HBS1L: variants seen among roughly 807,000 people sequenced by gnomAD.
The protein encoded by HBS1L is HBS1-like protein.
In HBS1L, 55 loss-of-function variants were observed where a neutral mutation model predicts 88.9. The observed-to-expected ratio is 0.62, with a 90% confidence interval of 0.50 to 0.77. The LOEUF is 0.77. Ranked by LOEUF, HBS1L falls within the 30% of genes least tolerant of loss-of-function variation. The pLI is 0.00. For synonymous variants in HBS1L, 267 were observed against 288.5 expected, an observed-to-expected ratio of 0.93 and a Z score of 0.76; for missense variants, 741 against 829.3, an observed-to-expected ratio of 0.89 and a Z score of 1.31.
chr6:134,973,939 T>G (rs1375343459), intron 15 of HBS1L, among the ~76,000 whole-genome samples: 2 of 151,890 alleles, frequency 1.3e-5, no homozygotes, highest in Non-Finnish European at 2.9e-5. Context: ...ATGTCACATA[T>G]ATATATATAT....
chr6:135,028,841 TACA>T lies in HBS1L; in HGVS notation c.430+10729_430+10731del, dbSNP rs560225145. ...TCAAAAATCTCTTGCTAGCAGTAAA[TACA>T]ACAACAAAAATTATAGCTGGATCTT... On this transcript the variant is annotated intron_variant, in intron 4 of 17. Coordinates refer to ENST00000367837, the MANE Select transcript of HBS1L (RefSeq NM_006620.4). Among the ~76,000 whole-genome samples, 54 of 152,032 alleles carry T rather than the reference TACA, an allele frequency of 3.6e-4. 1 individual carries two copies. Among genetic ancestry groups the T allele is most frequent in the South Asian group, 8.3e-4 (4 of 4,826 alleles).
chr6:134,965,639 G>A (rs1404920051), intron 17 of HBS1L, among the ~76,000 whole-genome samples: 1 of 152,176 alleles, frequency 6.6e-6, no homozygotes, highest in African/African-American at 2.4e-5. Context: ...ACTCTAGGAG[G>A]TAGATTCTAT....
intron 4 of HBS1L, chr6:135,035,849 C>T: frequency 1.3e-6 from 1 of 740,950 alleles, no homozygotes; most frequent in Non-Finnish European, 1.6e-6. Flanking sequence ...AAAGAACATG[C>T]AACCATACTT....
In HBS1L at chr6:134,960,579, T is replaced by C. The variant is rs535957346; in HGVS notation, c.*4700A>G. 6.6e-6 allele frequency: 1 copy of C among 151,952 alleles called. No individual in the cohort carries two copies. Among genetic ancestry groups the C allele is most frequent in the Non-Finnish European group, 1.5e-5 (1 of 67,922 alleles). The allele number at this position is 151,952 out of a possible 1,614,324, so 9.4% of individuals were successfully genotyped here. On this transcript the variant is annotated 3_prime_UTR_variant, in exon 18 of 18. Coordinates refer to ENST00000367837, the MANE Select transcript of HBS1L (RefSeq NM_006620.4). The stretch of plus-strand genomic sequence containing the variant: ...GTTATTAATATGAAATTCTCTTAAT[T>C]TTTTTTTACTTGCTTTAAATTCTTT...
chr6:135,031,813 G>A (rs568192347), intron 4 of HBS1L, among the ~76,000 whole-genome samples: 3 of 151,120 alleles, frequency 2.0e-5, no homozygotes, highest in African/African-American at 7.3e-5. Context: ...AAATAAATAC[G>A]CATTTTATCA....
At chr6:135,004,527 T>G (rs1293755093) in intron 4 of HBS1L, among the ~76,000 whole-genome samples, 1 of 151,932 alleles carries the variant, frequency 6.6e-6, no homozygotes, top group Non-Finnish European at 1.5e-5. Flanking sequence ...AGAGGGGAGC[T>G]ACATGAAGCT....
At chr6:135,010,798 A>T (rs1346369401) in intron 4 of HBS1L, among the ~76,000 whole-genome samples, 1 of 152,164 alleles carries the variant, frequency 6.6e-6, no homozygotes, top group Non-Finnish European at 1.5e-5. Context: ...AATAAAATAA[A>T]CTAAGAATAA....
At chr6:135,051,247 G>GA (rs1383187447) in intron 1 of HBS1L, among the ~76,000 whole-genome samples, 3 of 150,546 alleles carry the variant, frequency 2.0e-5, no homozygotes, top group African/African-American at 4.9e-5. Context: ...AAGAAAAAAA[G>GA]AAAAAAAAAT....
intron 15 of HBS1L, among the ~76,000 whole-genome samples, chr6:134,975,290 A>C (rs1486774023): frequency 6.6e-6 from 1 of 152,214 alleles, no homozygotes; most frequent in Admixed American, 6.5e-5. Context: ...GATACATCCC[A>C]TGCTCATGAA....
intron 16 of HBS1L, 42 bp downstream of exon 16, chr6:134,969,196 G>T (rs2114744508): frequency 7.9e-7 from 1 of 1,270,486 alleles, no homozygotes; most frequent in African/African-American, 1.5e-5. Context: ...TAAAAAATTG[G>T]CTTAAATTGC....
chr6:135,048,163 A>G (rs1162878533), intron 2 of HBS1L, among the ~76,000 whole-genome samples: 1 of 152,232 alleles, frequency 6.6e-6, no homozygotes, highest in African/African-American at 2.4e-5. Context: ...CCGGAAAGCC[A>G]GAGAAGGCAG....
At chr6:135,002,469 G>A (rs1164361067) in intron 5 of HBS1L, among the ~76,000 whole-genome samples, 1 of 152,022 alleles carries the variant, frequency 6.6e-6, no homozygotes, top group African/African-American at 2.4e-5. Context: ...AAAATCATAG[G>A]GTTTTTTATG....
chr6:134,965,300 CAAAAA>C lies in HBS1L; in HGVS notation c.2044-15_2044-11del. On this transcript the variant is annotated splice_polypyrimidine_tract_variant and intron_variant, in intron 17 of 17. Coordinates refer to ENST00000367837, the MANE Select transcript of HBS1L (RefSeq NM_006620.4). ...CCCATCATTCTTTTATCTGTTAAAA[CAAAAA>C]AAAAAAAGACATTTGCTGTAATTTA... is the stretch of plus-strand genomic sequence containing the variant. The C allele has an allele frequency of 7.5e-7, 1 of 1,331,172 alleles. No individual in the cohort carries two copies. Among genetic ancestry groups the C allele is most frequent in the African/African-American group, 1.6e-5 (1 of 64,076 alleles). 82.5% of individuals were successfully genotyped at this position (1,331,172 alleles called of 1,614,324 possible).
At chr6:134,995,621 T>C (rs1775267408) in intron 7 of HBS1L, among the ~76,000 whole-genome samples, 2 of 151,608 alleles carry the variant, frequency 1.3e-5, no homozygotes, top group Admixed American at 1.3e-4. Flanking sequence ...GTTCTCAATG[T>C]CTTTACCTGC....
At chr6:135,018,648 T>C (rs1037857807) in intron 4 of HBS1L, among the ~76,000 whole-genome samples, 1 of 152,006 alleles carries the variant, frequency 6.6e-6, no homozygotes, top group Non-Finnish European at 1.5e-5. Context: ...AAAAAGGAGA[T>C]TTATATTTTA....
At chr6:135,031,057 C>T (rs1375622015) in intron 4 of HBS1L, among the ~76,000 whole-genome samples, 1 of 151,904 alleles carries the variant, frequency 6.6e-6, no homozygotes, top group Non-Finnish European at 1.5e-5. Flanking sequence ...TAATTTTGTA[C>T]TTTTTGTTGG....
intron 4 of HBS1L, among the ~76,000 whole-genome samples, chr6:135,030,158 G>C (rs1776343711): frequency 6.6e-6 from 1 of 152,188 alleles, no homozygotes; most frequent in South Asian, 2.1e-4. Context: ...AGGGAGAGCA[G>C]AGAGAAAACA....
chr6:135,015,285 A>G (rs1213844673), intron 4 of HBS1L, among the ~76,000 whole-genome samples: 1 of 152,234 alleles, frequency 6.6e-6, no homozygotes. Context: ...TGAGATTCAC[A>G]TATCATACAG....
chr6:134,979,406 G>A (rs771501955), intron 13 of HBS1L, 138 bp from the exon 14 acceptor site: 14 of 644,600 alleles, frequency 2.2e-5, no homozygotes, highest in Non-Finnish European at 3.4e-5. Context: ...AGTAAGAAGT[G>A]TAACTGTGAG....
Sources: allele counts gnomAD v4.1 joint callset (sites outside exome capture counted in the v4.1 genomes callset), GRCh38; gene constraint gnomAD v4.1.1; transcripts MANE v1.5; gene names NCBI Gene and HGNC (gene_info 2026-07-23, HGNC 2026-07-21).